OARD1: variants seen among roughly 807,000 people sequenced by gnomAD.
OARD1 encodes ADP-ribose glycohydrolase OARD1.
A neutral mutation model predicts 19.7 loss-of-function variants in OARD1; 19 were observed. The observed-to-expected ratio is 0.96, with a 90% CI of 0.67 to 1.41. The LOEUF is 1.41. Ranked by LOEUF, OARD1 falls within the 40% of genes most tolerant of loss-of-function variation. The pLI is 0.00. For synonymous variants in OARD1, 70 were observed against 61.8 expected (o/e 1.13, Z -0.62); for missense variants, 190 against 183.8 (o/e 1.03, Z -0.20).
intron 1 of OARD1, among the ~76,000 whole-genome samples, chr6:41,088,932 A>G (rs549556359): frequency 6.6e-6 from 1 of 152,108 alleles, no homozygotes; most frequent in South Asian, 2.1e-4. Context: ...GTACTTCATC[A>G]TTCACCAAAA....
chr6:41,094,507 CAT>C (rs1459592255), intron 1 of OARD1: 1 of 1,600,160 alleles, frequency 6.2e-7, no homozygotes, highest in Non-Finnish European at 8.6e-7. Flanking sequence ...GGTAGGAAGA[CAT>C]ATACATTTTA....
intron 1 of OARD1, chr6:41,093,017 C>T (rs1282862847): frequency 5.6e-6 from 9 of 1,613,910 alleles, no homozygotes; most frequent in African/African-American, 1.3e-5. Flanking sequence ...ACAATACCAC[C>T]GTATTCTTAA....
At chr6:41,091,846 C>T (rs181286180) in intron 1 of OARD1, 1 of 856,196 alleles carries the variant, frequency 1.2e-6, no homozygotes, top group African/African-American at 1.7e-5. Context: ...TTATGACAAA[C>T]CATAATTCAT....
At chr6:41,081,178 A>G (rs889008289) in intron 1 of OARD1, among the ~76,000 whole-genome samples, 1 of 152,204 alleles carries the variant, frequency 6.6e-6, no homozygotes, top group African/African-American at 2.4e-5. Flanking sequence ...AGAAATTCTT[A>G]TAAGTGACAT....
At position 41,067,273 on chromosome 6, in the gene OARD1, G is replaced by T; in HGVS notation, c.*62C>A. ...TGCCTATTTTAAGGTAGGTTTGCCCGGTCCTATGGCCCAGTAGAGATGACA... is the reference window on the plus strand; with the variant it reads ...TGCCTATTTTAAGGTAGGTTTGCCCTGTCCTATGGCCCAGTAGAGATGACA... On this transcript the variant is annotated 3_prime_UTR_variant, in exon 6 of 6. Transcript: ENST00000424266. 1 of 1,034,314 alleles carries T rather than the reference G, an allele frequency of 9.7e-7. No homozygotes were observed. Among genetic ancestry groups the T allele is most frequent in the Non-Finnish European group, 1.5e-6 (1 of 681,184 alleles). 64.1% of individuals were successfully genotyped at this position (1,034,314 alleles called of 1,614,324 possible).
intron 4 of OARD1, chr6:41,069,690 T>C (rs1258321718): frequency 3.9e-6 from 1 of 257,890 alleles, no homozygotes; most frequent in Admixed American, 5.3e-5. Context: ...TTGCTATCAG[T>C]GTGCTATTTG....
chr6:41,067,805 T>C (rs560938028), intron 5 of OARD1, among the ~76,000 whole-genome samples: 4 of 152,302 alleles, frequency 2.6e-5, no homozygotes, highest in South Asian at 2.1e-4. Context: ...AATGCACTTA[T>C]GGTAACAGAA....
chr6:41,078,960 C>A, intron 1 of OARD1: 3 of 654,516 alleles, frequency 4.6e-6, no homozygotes, highest in South Asian at 2.2e-5. Flanking sequence ...ATAAATTATC[C>A]AGGTTAATTG....
chr6:41,090,422 C>CA (rs368610238), intron 1 of OARD1: 22,249 of 434,880 alleles, frequency 0.051, 4 homozygotes, highest in Non-Finnish European at 0.058. Flanking sequence ...ATTTTTTGGA[C>CA]AAAAAAAAAA....
rs1763492441 is a variant in OARD1 at position 41,072,335 on chromosome 6, C to T, written c.-141G>A. On this transcript the variant is annotated 5_prime_UTR_variant, in exon 1 of 6. Transcript: ENST00000424266. ...CCAACGTACCCAAGTCACCCTTCAC[C>T]TGGAAAGGAGTCGGTTGTTTGGAGG... The T allele has an allele frequency of 6.6e-6, 1 of 152,438 alleles. No homozygotes were observed. Among genetic ancestry groups the T allele is most frequent in the African/African-American group, 2.4e-5 (1 of 41,484 alleles). The allele number at this position is 152,438 out of a possible 1,614,324, so 9.4% of individuals were successfully genotyped here. A position where few individuals can be genotyped will look rare whatever the true frequency, so the allele number is the denominator to read the frequency against.
chr6:41,092,890 C>T (rs1199267962), intron 1 of OARD1: 2 of 1,605,902 alleles, frequency 1.2e-6, no homozygotes, highest in African/African-American at 1.3e-5. Context: ...CACCAATAAG[C>T]TCTGGTTTCC....
chr6:41,071,926 G>A, intron 1 of OARD1: 2 of 442,808 alleles, frequency 4.5e-6, no homozygotes. Flanking sequence ...CGGAAGCAAA[G>A]CCCATCCCTA....
At chr6:41,068,429 G>A (rs1394689392) in intron 5 of OARD1, among the ~76,000 whole-genome samples, 2 of 152,236 alleles carry the variant, frequency 1.3e-5, no homozygotes, top group African/African-American at 4.8e-5. Context: ...CAACTTTCTT[G>A]ACGCAAAGTA....
chr6:41,067,413 C>T lies in OARD1; in HGVS notation c.381G>A (p.Leu127=). The change falls in exon 6 of 6, where the codon CTG becomes CTA. Residue 127 remains leucine, a synonymous_variant. Transcript: ENST00000424266. ...MPRIGCGLDR[L]QWENVSAMIE... ...TCATCGCAGATACATTTTCCCATTG[C>T]AGACGATCAAGACCACATCCAATCC... 1 of 1,613,446 alleles carries T rather than the reference C, an allele frequency of 6.2e-7. No individual in the cohort carries two copies. The highest frequency in any genetic ancestry group is 8.5e-7 in the Non-Finnish European group (1 of 1,179,456).
In OARD1 at chr6:41,067,272, C is replaced by T. The variant is rs1184768886; in HGVS notation, c.*63G>A. On this transcript the variant is annotated 3_prime_UTR_variant, in exon 6 of 6. Transcript: ENST00000424266. ...CTGCCTATTTTAAGGTAGGTTTGCC[C>T]GGTCCTATGGCCCAGTAGAGATGAC... 1.1e-5 allele frequency: 11 copies of T among 1,033,000 alleles called. No homozygotes were observed. Among genetic ancestry groups the T allele is most frequent in the African/African-American group, 3.2e-5 (2 of 62,924 alleles). The allele number at this position is 1,033,000 out of a possible 1,614,324, so 64.0% of individuals were successfully genotyped here. A position where few individuals can be genotyped will look rare whatever the true frequency, so the allele number is the denominator to read the frequency against.
At position 41,091,447 on chromosome 6, in the gene OARD1, T is replaced by A. The variant is rs556300934; in HGVS notation, c.-42+6266A>T. 1.4e-5 allele frequency: 20 copies of A among 1,403,288 alleles called. No homozygotes were observed. In the East Asian group the frequency reaches 4.5e-4, roughly 32 times the overall value. 86.9% of individuals were successfully genotyped at this position (1,403,288 alleles called of 1,614,324 possible). On this transcript the variant is annotated intron_variant, in intron 1 of 4. Coordinates refer to the OARD1 transcript ENST00000480585. ...CCAGGATCGGTGAGTGTATACCAGA[T>A]AGAAGAGGGACTAACTATGTTCCCT...
At chr6:41,084,266 T>A (rs2113801045) in intron 1 of OARD1, 4 of 1,493,978 alleles carry the variant, frequency 2.7e-6, no homozygotes, top group South Asian at 2.6e-5. Context: ...ACAACCTATT[T>A]GATAATTGAT....
At chr6:41,075,368 C>T (rs1332772507), upstream of OARD1, 2 of 152,142 alleles carry the variant, frequency 1.3e-5, no homozygotes, top group Non-Finnish European at 2.9e-5. Flanking sequence ...GATGTTTTAA[C>T]CTTAGTATTT....
intron 1 of OARD1, among the ~76,000 whole-genome samples, chr6:41,091,259 C>T (rs751369968): frequency 1.4e-4 from 21 of 152,174 alleles, no homozygotes; most frequent in Non-Finnish European, 2.6e-4. Context: ...AAGAGGAGGC[C>T]TCCAAACCTT....
Sources: gnomAD v4.1 joint callset for allele counts (sites outside exome capture counted in the v4.1 genomes callset) on GRCh38, gnomAD v4.1.1 for gene constraint, MANE v1.5 for transcripts, NCBI Gene and HGNC (gene_info 2026-07-23, HGNC 2026-07-21) for gene names.